Variants in CNTN5 observed in about 807,000 individuals in gnomAD.
CNTN5 encodes the protein contactin-5.
A neutral mutation model predicts 129.1 loss-of-function variants in CNTN5; 77 were observed. That is an observed-to-expected ratio of 0.60 (90% CI 0.50 to 0.72). The LOEUF (loss-of-function observed/expected upper bound fraction) is 0.72. Ranked by LOEUF, CNTN5 falls within the 30% of genes least tolerant of loss-of-function variation. CNTN5 has a pLI of 0.00. For missense variants in CNTN5, 1,478 were observed against 1,328.8 expected, an observed-to-expected ratio of 1.11 and a Z score of -1.75; for synonymous variants, 509 against 465.6, an observed-to-expected ratio of 1.09 and a Z score of -1.20.
At chr11:100,344,899 AT>A (rs1365397129) in intron 23 of CNTN5, among the ~76,000 whole-genome samples, 7 of 152,098 alleles carry the variant, frequency 4.6e-5, no homozygotes, top group Non-Finnish European at 1.0e-4. Flanking sequence ...TTTAAAATTT[AT>A]TTTGCCATTT....
At chr11:100,181,259 G>A (rs1452004634) in intron 13 of CNTN5, among the ~76,000 whole-genome samples, 2 of 151,600 alleles carry the variant, frequency 1.3e-5, no homozygotes, top group Non-Finnish European at 2.9e-5. Flanking sequence ...GCAACAATTT[G>A]GATGAGCCTC....
At chr11:99,363,715 A>G (rs763912550) in intron 2 of CNTN5, among the ~76,000 whole-genome samples, 1 of 152,148 alleles carries the variant, frequency 6.6e-6, no homozygotes, top group Non-Finnish European at 1.5e-5. Context: ...TGGCCATGCT[A>G]AAGATCAGTA....
At chr11:100,207,606 T>C (rs1004505993) in intron 15 of CNTN5, among the ~76,000 whole-genome samples, 1 of 152,108 alleles carries the variant, frequency 6.6e-6, no homozygotes, top group Admixed American at 6.6e-5. Context: ...TTTACAAAAT[T>C]TGTTTTAAAG....
At chr11:99,384,182 T>G (rs917570581) in intron 2 of CNTN5, among the ~76,000 whole-genome samples, 7 of 152,170 alleles carry the variant, frequency 4.6e-5, no homozygotes, top group Non-Finnish European at 1.0e-4. Flanking sequence ...CTAGATTTAT[T>G]AACAATTTCC....
chr11:100,093,500 C>G (rs1374472334), intron 13 of CNTN5, among the ~76,000 whole-genome samples: 1 of 152,078 alleles, frequency 6.6e-6, no homozygotes, highest in Non-Finnish European at 1.5e-5. Flanking sequence ...CTCCTGGCCT[C>G]AAGTGGTTCT....
intron 1 of CNTN5, among the ~76,000 whole-genome samples, chr11:99,258,712 C>T (rs916626791): frequency 6.6e-6 from 1 of 151,538 alleles, no homozygotes; most frequent in Non-Finnish European, 1.5e-5. Context: ...TAGGTTTTTT[C>T]TTATTTATGC....
chr11:99,475,055 C>G (rs1037223644), intron 2 of CNTN5, among the ~76,000 whole-genome samples: 2 of 151,560 alleles, frequency 1.3e-5, no homozygotes, highest in Non-Finnish European at 2.9e-5. Context: ...CATGTAAGAT[C>G]CACCCTCATG....
intron 1 of CNTN5, among the ~76,000 whole-genome samples, chr11:99,298,000 C>T (rs1240938888): frequency 6.6e-6 from 1 of 151,786 alleles, no homozygotes; most frequent in South Asian, 2.1e-4. Context: ...CAAAGAAACT[C>T]GGAGAACTCA....
chr11:100,050,908 T>G (rs77966698), intron 9 of CNTN5, among the ~76,000 whole-genome samples: 6,551 of 152,172 alleles, frequency 0.043, 161 homozygotes, highest in African/African-American at 0.07. Flanking sequence ...AAAATGTATA[T>G]GCACCTAGTA....
chr11:100,037,589 A>G (rs918251182), intron 9 of CNTN5, among the ~76,000 whole-genome samples: 11 of 152,066 alleles, frequency 7.2e-5, no homozygotes, highest in African/African-American at 2.2e-4. Context: ...CTGTGAATCC[A>G]TCTGGTCCTG....
chr11:100,138,175 TG>T (rs1946583517), intron 13 of CNTN5, among the ~76,000 whole-genome samples: 1 of 151,792 alleles, frequency 6.6e-6, no homozygotes, highest in Non-Finnish European at 1.5e-5. Flanking sequence ...TAAGAAGAGT[TG>T]ATTTAAGGGT....
chr11:99,656,775 G>A lies in CNTN5; in HGVS notation c.55+100506G>A, dbSNP rs1417133883. 3.9e-5 allele frequency among the ~76,000 whole-genome samples: 6 copies of A among 152,160 alleles called. No individual in the cohort carries two copies. In the East Asian group the frequency reaches 1.2e-3, roughly 29 times the overall value. On this transcript the variant is annotated intron_variant, in intron 3 of 24. Transcript: ENST00000524871. ...CAGGAGATCAGCAAATGACCACAGTGGACTGGATAGCAAAGGCCCTTCCTT... is the reference window on the plus strand; with the variant it reads ...CAGGAGATCAGCAAATGACCACAGTAGACTGGATAGCAAAGGCCCTTCCTT...
At chr11:99,368,651 G>A (rs945929412) in intron 2 of CNTN5, among the ~76,000 whole-genome samples, 6 of 150,314 alleles carry the variant, frequency 4.0e-5, no homozygotes, top group African/African-American at 9.8e-5. Flanking sequence ...TATAATTATC[G>A]TAAGACTACA....
chr11:99,090,887 T>C (rs1866218441), intron 1 of CNTN5, among the ~76,000 whole-genome samples: 1 of 151,700 alleles, frequency 6.6e-6, no homozygotes, highest in South Asian at 2.1e-4. Context: ...CCCGTCGCGG[T>C]GGCAGGCGCC....
At chr11:99,771,268 A>G (rs1269653251) in intron 3 of CNTN5, among the ~76,000 whole-genome samples, 2 of 152,084 alleles carry the variant, frequency 1.3e-5, no homozygotes, top group East Asian at 3.9e-4. Flanking sequence ...ACATAGCTAT[A>G]CTACTGTGTT....
chr11:99,311,045 C>T (rs1955928752), intron 1 of CNTN5, among the ~76,000 whole-genome samples: 1 of 152,124 alleles, frequency 6.6e-6, no homozygotes, highest in African/African-American at 2.4e-5. Context: ...AATTCTCCTG[C>T]CTCAGCCTGA....
At chr11:99,868,378 G>C (rs190849516) in intron 6 of CNTN5, among the ~76,000 whole-genome samples, 2 of 152,238 alleles carry the variant, frequency 1.3e-5, no homozygotes, top group African/African-American at 4.8e-5. Context: ...TTATTGCTTT[G>C]TATACAATAG....
intron 3 of CNTN5, among the ~76,000 whole-genome samples, chr11:99,682,409 T>C (rs1953596516): frequency 6.6e-6 from 1 of 151,732 alleles, no homozygotes; most frequent in Admixed American, 6.6e-5. Flanking sequence ...ATGCTAAAAA[T>C]ATGAGGCAGG....
At chr11:100,289,307 C>A (rs1186231792) in intron 18 of CNTN5, among the ~76,000 whole-genome samples, 43 of 152,120 alleles carry the variant, frequency 2.8e-4, no homozygotes, top group East Asian at 1.2e-3. Flanking sequence ...ACACAACGAA[C>A]AAAGAGAATT....
Sources: allele counts gnomAD v4.1 joint callset (sites outside exome capture counted in the v4.1 genomes callset), GRCh38; gene constraint gnomAD v4.1.1; transcripts MANE v1.5; gene names NCBI Gene and HGNC (gene_info 2026-07-23, HGNC 2026-07-21).